SETD5: variants seen among roughly 807,000 people sequenced by gnomAD.
SETD5 encodes the protein histone-lysine N-methyltransferase SETD5.
Under a neutral mutation model 153.3 loss-of-function variants are expected in SETD5, and 44 were observed. That is an observed-to-expected ratio of 0.29 (90% CI 0.23 to 0.37). The LOEUF (loss-of-function observed/expected upper bound fraction) is 0.37, where lower values mean the gene tolerates loss of function less well. Among genes scored for constraint, SETD5 ranks in the 10% least tolerant of loss-of-function variants. The probability of loss-of-function intolerance (pLI) is 1.00; values close to 1 mark genes in which losing one functional copy is unlikely to be tolerated. For missense variants in SETD5, 1,544 were observed against 1,768.0 expected (o/e 0.87, Z 2.27); for synonymous variants, 716 against 645.2 (o/e 1.11, Z -1.66).
At chr3:9,415,447 A>G (rs1020709677) in intron 1 of SETD5, among the ~76,000 whole-genome samples, 6 of 152,188 alleles carry the variant, frequency 3.9e-5, no homozygotes, top group African/African-American at 1.2e-4. Flanking sequence ...ATCCAAAGAC[A>G]TTTGGCCCCA....
At chr3:9,447,563 T>C (rs2042161420) in intron 14 of SETD5, 123 bp from the exon 15 acceptor site, 1 of 1,179,650 alleles carries the variant, frequency 8.5e-7, no homozygotes, top group Admixed American at 2.5e-5. Context: ...AGATTTTAAA[T>C]TAGTGTTTCT....
intron 17 of SETD5, among the ~76,000 whole-genome samples, chr3:9,455,684 A>G (rs139851273): frequency 1.3e-5 from 2 of 152,310 alleles, no homozygotes; most frequent in African/African-American, 4.8e-5. Flanking sequence ...AATATAACTT[A>G]GCTGAAATAG....
At chr3:9,459,617 C>G (rs2125436615) in intron 17 of SETD5, among the ~76,000 whole-genome samples, 1 of 146,544 alleles carries the variant, frequency 6.8e-6, no homozygotes, top group African/African-American at 2.5e-5. Context: ...AAAAATACAA[C>G]AACAACAACA....
intron 3 of SETD5, chr3:9,431,171 T>C (rs2039919174): frequency 1.0e-6 from 1 of 985,338 alleles, no homozygotes; most frequent in Admixed American, 6.2e-5. Context: ...TTTTTGTGTG[T>C]GTTTGTAGGA....
intron 17 of SETD5, among the ~76,000 whole-genome samples, chr3:9,457,161 G>C (rs940645414): frequency 2.6e-5 from 4 of 152,134 alleles, no homozygotes; most frequent in Admixed American, 2.0e-4. Flanking sequence ...TCTTAGAAGA[G>C]CCTAAGTAAT....
At chr3:9,438,767 G>C (rs968526380) in intron 7 of SETD5, among the ~76,000 whole-genome samples, 1 of 152,220 alleles carries the variant, frequency 6.6e-6, no homozygotes, top group African/African-American at 2.4e-5. Context: ...ATAATTCTTT[G>C]TTGTGGAAGG....
At position 9,476,081 on chromosome 3, in the gene SETD5, G is replaced by A; in HGVS notation, c.4319G>A (p.Gly1440Glu). Residue 1440 changes from glycine (G) to glutamate (E), a missense_variant, in exon 23 of 23, where the codon GGA becomes GAA. Transcript: ENST00000402198. The stretch of plus-strand genomic sequence containing the variant: ...GGGTCAGGAGTCAAGACTCAGACGG[G>A]ACTTTCCTAGGGCTTCTGGATTTGG... ...LQGSGVKTQT[G>E]LS The A allele has an allele frequency of 6.2e-7, 1 of 1,613,048 alleles. No individual in the cohort carries two copies. Among genetic ancestry groups the A allele is most frequent in the African/African-American group, 1.3e-5 (1 of 74,998 alleles).
At chr3:9,408,833 A>G (rs1474745574) in intron 1 of SETD5, among the ~76,000 whole-genome samples, 3 of 152,202 alleles carry the variant, frequency 2.0e-5, no homozygotes, top group Admixed American at 6.5e-5. Flanking sequence ...AAGATTTACC[A>G]TATTAGAAAC....
At position 9,447,110 on chromosome 3, in the gene SETD5, A is replaced by G. The variant is rs780382297; in HGVS notation, c.1585A>G (p.Lys529Glu). The G allele has an allele frequency of 6.2e-7, 1 of 1,613,966 alleles. No homozygotes were observed. The highest frequency in any genetic ancestry group is 8.5e-7 in the Non-Finnish European group (1 of 1,179,874). Residue 529 changes from lysine (K) to glutamate (E), a missense_variant, in exon 14 of 23, where the codon AAG becomes GAG. Physicochemically the swap from Lys to Glu is moderately conservative, Grantham distance 56. This residue lies in a region of SETD5 where 782 missense variants were observed against 787.2 expected (regional missense o/e 0.99). Coordinates refer to ENST00000402198, the MANE Select transcript of SETD5 (RefSeq NM_001080517.3). ...MHAFENLEKR[K>E]KRRDQPLEQS... ...TGCTTTTGAAAACTTAGAGAAAAGA[A>G]AGAAGCGGCGGGATCAGCCCTTGGA...
intron 17 of SETD5, among the ~76,000 whole-genome samples, chr3:9,461,221 A>G (rs1038051881): frequency 1.3e-5 from 2 of 152,160 alleles, no homozygotes; most frequent in African/African-American, 4.8e-5. Flanking sequence ...ATAATCCTAC[A>G]TGTAGCCATT....
intron 1 of SETD5, among the ~76,000 whole-genome samples, chr3:9,417,857 G>A (rs1382687910): frequency 6.7e-6 from 1 of 149,844 alleles, no homozygotes; most frequent in Non-Finnish European, 1.5e-5. Flanking sequence ...GTCTCTTACA[G>A]TGTCTAGGTT....
intron 17 of SETD5, among the ~76,000 whole-genome samples, chr3:9,459,372 T>A (rs2043649612): frequency 6.6e-6 from 1 of 152,156 alleles, no homozygotes; most frequent in Non-Finnish European, 1.5e-5. Context: ...AAAATCTTAT[T>A]TTTGATTCAT....
chr3:9,406,319 T>A (rs1426444708), intron 1 of SETD5, among the ~76,000 whole-genome samples: 1 of 152,248 alleles, frequency 6.6e-6, no homozygotes, highest in African/African-American at 2.4e-5. Context: ...ATATGCTGAA[T>A]GTAGCATTAG....
chr3:9,449,898 A>G (rs896418889), intron 16 of SETD5, among the ~76,000 whole-genome samples: 2 of 152,242 alleles, frequency 1.3e-5, no homozygotes, highest in Non-Finnish European at 2.9e-5. Flanking sequence ...TTAACTGTTG[A>G]AGCATCTTAT....
intron 8 of SETD5, among the ~76,000 whole-genome samples, chr3:9,441,279 T>C (rs1365049703): frequency 6.6e-6 from 1 of 152,042 alleles, no homozygotes; most frequent in Non-Finnish European, 1.5e-5. Flanking sequence ...AATTATGTAA[T>C]ATTTATAGAA....
chr3:9,407,459 C>G (rs1052615597), intron 1 of SETD5, among the ~76,000 whole-genome samples: 1 of 152,154 alleles, frequency 6.6e-6, no homozygotes, highest in Non-Finnish European at 1.5e-5. Context: ...CTTCCTCTTA[C>G]AGTTTATCAT....
chr3:9,417,493 T>C (rs2037644560), intron 1 of SETD5, among the ~76,000 whole-genome samples: 1 of 151,914 alleles, frequency 6.6e-6, no homozygotes, highest in African/African-American at 2.4e-5. Flanking sequence ...CTTTTTTTTT[T>C]TTTTCCCCCC....
intron 9 of SETD5, 146 bp downstream of exon 9, chr3:9,441,887 G>C (rs1336450977): frequency 6.9e-6 from 7 of 1,021,176 alleles, no homozygotes; most frequent in African/African-American, 6.5e-5. Context: ...TATTTGTAGA[G>C]AAGTGCAAGT....
chr3:9,460,965 G>T (rs565159542), intron 17 of SETD5, among the ~76,000 whole-genome samples: 1 of 152,064 alleles, frequency 6.6e-6, no homozygotes, highest in African/African-American at 2.4e-5. Context: ...AAAGTGATCC[G>T]TTTGACTAAA....
Sources: gnomAD v4.1 joint callset for allele counts (sites outside exome capture counted in the v4.1 genomes callset) on GRCh38, gnomAD v4.1.1 for gene constraint, gnomAD v4.1.1 regional missense constraint, MANE v1.5 for transcripts, NCBI Gene and HGNC (gene_info 2026-07-23, HGNC 2026-07-21) for gene names.